The following AVEN variants were observed in gnomAD, a reference collection of about 807,000 sequenced individuals.
The protein encoded by AVEN is apoptosis and caspase activation inhibitor.
Under a neutral mutation model 38.1 loss-of-function variants are expected in AVEN, and 41 were observed. The observed-to-expected ratio is 1.08, with a 90% CI of 0.84 to 1.40. The LOEUF is 1.40. Among genes scored for constraint, AVEN ranks in the 40% most tolerant of loss-of-function variants. The pLI is 0.00. For missense variants in AVEN, 605 were observed against 438.8 expected (o/e 1.38, Z -3.38); for synonymous variants, 206 against 171.8 (o/e 1.20, Z -1.56).
downstream of AVEN, among the ~76,000 whole-genome samples, chr15:33,863,842 A>AT (rs1446852337): frequency 6.6e-6 from 1 of 152,176 alleles, no homozygotes; most frequent in East Asian, 1.9e-4. Flanking sequence ...TTTTATTAGA[A>AT]TTTTGTTAAC....
At chr15:33,937,854 A>C (rs1482482581) in intron 2 of AVEN, among the ~76,000 whole-genome samples, 2 of 150,104 alleles carry the variant, frequency 1.3e-5, no homozygotes, top group Non-Finnish European at 3.0e-5. Flanking sequence ...GAACTGTGAG[A>C]AAATAAATTT....
chr15:33,866,769 C>T (rs760799083), intron 5 of AVEN, 41 bp from the exon 6 acceptor site: 61 of 1,433,712 alleles, frequency 4.3e-5, no homozygotes, highest in African/African-American at 8.5e-5. Context: ...CAGATGAGTC[C>T]TAAAATTGAA....
chr15:33,951,060 G>A (rs1362155749), intron 2 of AVEN, among the ~76,000 whole-genome samples: 2 of 151,184 alleles, frequency 1.3e-5, no homozygotes, highest in South Asian at 2.1e-4. Context: ...TGGGAGGAAG[G>A]GGAGAGGAGG....
At chr15:33,881,330 C>T (rs1891477747) in intron 2 of AVEN, among the ~76,000 whole-genome samples, 1 of 152,138 alleles carries the variant, frequency 6.6e-6, no homozygotes, top group Admixed American at 6.5e-5. Context: ...AAACAATCCA[C>T]CACCTCAACC....
chr15:33,945,538 A>G (rs1894472715), intron 2 of AVEN, among the ~76,000 whole-genome samples: 1 of 152,004 alleles, frequency 6.6e-6, no homozygotes, highest in African/African-American at 2.4e-5. Context: ...ATGGCACAGG[A>G]GCTCTTCATG....
chr15:33,865,417 G>A (rs150985910), downstream of AVEN: 164 of 530,450 alleles, frequency 3.1e-4, no homozygotes, highest in East Asian at 1.9e-3. Context: ...TACACTGTGG[G>A]AGAGAACCTG....
At chr15:34,030,337 TG>T (rs1898717357) in intron 1 of AVEN, among the ~76,000 whole-genome samples, 2 of 152,142 alleles carry the variant, frequency 1.3e-5, no homozygotes, top group African/African-American at 4.8e-5. Context: ...TACTAGGTTT[TG>T]GGGGGTTTTT....
chr15:34,030,447 G>A (rs1216288913), intron 1 of AVEN, among the ~76,000 whole-genome samples: 1 of 151,942 alleles, frequency 6.6e-6, no homozygotes, highest in Non-Finnish European at 1.5e-5. Context: ...CCAGGTTCAT[G>A]CCATTCTCCT....
rs941470922 is a variant in AVEN, at chr15:33,873,298, C to A, written c.517-2268G>T. 2.7e-5 allele frequency among the ~76,000 whole-genome samples: 4 copies of A among 150,358 alleles called. No individual in the cohort carries two copies. In the East Asian group the frequency reaches 7.8e-4, roughly 29 times the overall value. On this transcript the variant is annotated intron_variant, in intron 3 of 5. Coordinates refer to ENST00000306730, the MANE Select transcript of AVEN (RefSeq NM_020371.3). ...TATTTTCAGTAGACGCAGGGTTTCA[C>A]CATGTTGGCCAGGCTGGTCTCGAAC...
At chr15:33,871,069 T>C (rs1890927419) in intron 3 of AVEN, 39 bp from the exon 4 acceptor site, 1 of 1,241,950 alleles carries the variant, frequency 8.1e-7, no homozygotes, top group African/African-American at 1.6e-5. Context: ...TATCAGGTGA[T>C]GATTATGACC....
chr15:34,045,052 A>G (rs1001827126), intron 5 of AVEN, among the ~76,000 whole-genome samples: 2 of 152,218 alleles, frequency 1.3e-5, no homozygotes, highest in African/African-American at 2.4e-5. Context: ...TGTCTCAAAA[A>G]TTAGTAATAA....
upstream of AVEN, among the ~76,000 whole-genome samples, chr15:34,042,201 T>G (rs1357810087): frequency 2.0e-5 from 3 of 152,268 alleles, no homozygotes; most frequent in East Asian, 5.8e-4. Context: ...AGGGAAGGAA[T>G]CTTTTCTGGT....
At chr15:33,896,584 C>T (rs1892243207) in intron 2 of AVEN, among the ~76,000 whole-genome samples, 1 of 152,176 alleles carries the variant, frequency 6.6e-6, no homozygotes, top group Admixed American at 6.5e-5. Context: ...GGTCTAAGCA[C>T]ACCCACCACG....
rs544223897 is a variant in AVEN at position 33,983,842 on chromosome 15, T to C, written c.445+19190A>G. On this transcript the variant is annotated intron_variant, in intron 2 of 5. Coordinates refer to ENST00000306730, the MANE Select transcript of AVEN (RefSeq NM_020371.3). ...CATCATCAGCAGTAAGTCCTATAAA[T>C]ATTTTGTGTCCACTGACATGATCCA... 3.9e-5 allele frequency among the ~76,000 whole-genome samples: 6 copies of C among 151,986 alleles called. No homozygotes were observed. The East Asian group carries it at 9.7e-4, about 24-fold the overall frequency.
At position 34,057,145 on chromosome 15, in the gene AVEN, T is replaced by TG. The variant is rs1322804169; in HGVS notation, n.1637+5776_1637+5777insC. Reference sequence around the variant, plus strand: ...AGAAGAGTTTTGGTTTTTTTTGGTTTTTTTTTTTAGGTGGAGTCTTGCTGT... The same window carrying TG: ...AGAAGAGTTTTGGTTTTTTTTGGTTTGTTTTTTTTAGGTGGAGTCTTGCTGT... On this transcript the variant is annotated intron_variant and non_coding_transcript_variant, in intron 5 of 11. Transcript: ENST00000675287. 2.6e-5 allele frequency among the ~76,000 whole-genome samples: 4 copies of TG among 151,400 alleles called. No individual in the cohort carries two copies. In the East Asian group the frequency reaches 5.8e-4, roughly 22 times the overall value.
At chr15:33,922,228 G>A (rs867963106) in intron 2 of AVEN, among the ~76,000 whole-genome samples, 2 of 152,114 alleles carry the variant, frequency 1.3e-5, no homozygotes, top group African/African-American at 2.4e-5. Flanking sequence ...GATTCCTAAT[G>A]GAAACAGCTT....
the AVEN span, chr15:33,852,688 G>A: frequency 1.0e-5 from 2 of 198,790 alleles, no homozygotes; most frequent in Admixed American, 5.3e-5. Context: ...TGGAATGCCT[G>A]TGTTTTCTGT....
At chr15:34,059,440 C>T (rs1156792921) in intron 5 of AVEN, among the ~76,000 whole-genome samples, 1 of 152,194 alleles carries the variant, frequency 6.6e-6, no homozygotes, top group African/African-American at 2.4e-5. Context: ...GACTAATGCT[C>T]CCCAACACCT....
chr15:33,863,753 A>G (rs1236568525), downstream of AVEN, among the ~76,000 whole-genome samples: 5 of 152,128 alleles, frequency 3.3e-5, no homozygotes, highest in African/African-American at 7.3e-5. Flanking sequence ...ATTAATTTCA[A>G]TTCAATTCTA....
Sources: allele counts gnomAD v4.1 joint callset (sites outside exome capture counted in the v4.1 genomes callset), GRCh38; gene constraint gnomAD v4.1.1; transcripts MANE v1.5; gene names NCBI Gene and HGNC (gene_info 2026-07-23, HGNC 2026-07-21).